Variants in AK5 observed in about 807,000 individuals in gnomAD.
AK5 encodes the protein adenylate kinase isoenzyme 5.
A neutral mutation model predicts 69.5 loss-of-function variants in AK5; 27 were observed. That is an observed-to-expected ratio of 0.39 (90% confidence interval 0.29 to 0.54). The LOEUF is 0.54. Ranked by LOEUF, AK5 falls within the 20% of genes least tolerant of loss-of-function variation. AK5 has a pLI of 0.71. For missense variants in AK5, 531 were observed against 700.4 expected (o/e 0.76, Z 2.73); for synonymous variants, 260 against 244.4 (o/e 1.06, Z -0.60).
intron 8 of AK5, among the ~76,000 whole-genome samples, chr1:77,458,105 A>G (rs1375407450): frequency 1.4e-5 from 1 of 69,462 alleles, no homozygotes; most frequent in African/African-American, 4.0e-5. Context: ...CCATTTCTTA[A>G]AAAAAAAAAA....
chr1:77,456,630 C>T (rs1653502775), intron 8 of AK5, among the ~76,000 whole-genome samples: 1 of 152,108 alleles, frequency 6.6e-6, no homozygotes, highest in South Asian at 2.1e-4. Context: ...ACCAGCTGTC[C>T]CAGCTTACCT....
At chr1:77,337,536 A>T (rs1661425274) in intron 5 of AK5, among the ~76,000 whole-genome samples, 1 of 152,116 alleles carries the variant, frequency 6.6e-6, no homozygotes, top group South Asian at 2.1e-4. Context: ...TATATCTTTT[A>T]TTATAGTGGC....
At chr1:77,531,174 GGTCTCGCTGGCTCAGGA>G (rs1476774867) in intron 12 of AK5, among the ~76,000 whole-genome samples, 1 of 152,178 alleles carries the variant, frequency 6.6e-6, no homozygotes, top group Admixed American at 6.5e-5. Context: ...GTGGGTTCGT[GGTCTCGCTGGCTCAGGA>G]GTGAAGCTGC....
intron 5 of AK5, among the ~76,000 whole-genome samples, chr1:77,328,692 A>G (rs114516059): frequency 2.0e-5 from 3 of 152,324 alleles, no homozygotes; most frequent in African/African-American, 7.2e-5. Flanking sequence ...TGTTCAGCAG[A>G]TATGATTAAT....
chr1:77,518,910 C>A (rs1657824316), intron 11 of AK5, among the ~76,000 whole-genome samples, 183 bp downstream of exon 11: 2 of 152,296 alleles, frequency 1.3e-5, no homozygotes, highest in South Asian at 2.1e-4. Flanking sequence ...TTCTACTCAA[C>A]CAGGTCGAGC....
intron 8 of AK5, among the ~76,000 whole-genome samples, chr1:77,446,548 C>G (rs535332388): frequency 7.9e-4 from 120 of 152,292 alleles, no homozygotes; most frequent in Non-Finnish European, 2.4e-4. Context: ...ATTAATTACT[C>G]TGATCCATGA....
intron 12 of AK5, among the ~76,000 whole-genome samples, chr1:77,526,870 G>C (rs1658323968): frequency 6.7e-6 from 1 of 149,070 alleles, no homozygotes; most frequent in South Asian, 2.1e-4. Flanking sequence ...AATAAATAAG[G>C]TCTCTCTCTC....
At chr1:77,500,038 A>C (rs1023625358) in intron 10 of AK5, among the ~76,000 whole-genome samples, 3 of 151,982 alleles carry the variant, frequency 2.0e-5, no homozygotes, top group Admixed American at 2.0e-4. Context: ...CTCAGGTGTG[A>C]CTAATACAGA....
chr1:77,331,663 G>A (rs138142109), intron 5 of AK5, among the ~76,000 whole-genome samples: 15 of 152,026 alleles, frequency 9.9e-5, no homozygotes, highest in African/African-American at 2.2e-4. Context: ...GAGTGAGATC[G>A]GCCTAAAATT....
At position 77,282,227 on chromosome 1, in the gene AK5, T is replaced by C; in HGVS notation, c.-87T>C. On this transcript the variant is annotated 5_prime_UTR_variant, in exon 1 of 14. Transcript: ENST00000354567. ...GGCTGCACCGCTGCTCGGCGCGGAC[T>C]CTGCCAGCCCCAGCTTCAGCCCCGG... 2 of 1,319,248 alleles carry C rather than the reference T, an allele frequency of 1.5e-6. No individual in the cohort carries two copies. Among genetic ancestry groups the C allele is most frequent in the South Asian group, 1.4e-5 (1 of 69,088 alleles). 81.7% of individuals were successfully genotyped at this position (1,319,248 alleles called of 1,614,324 possible). A position where few individuals can be genotyped will look rare whatever the true frequency, so the allele number is the denominator to read the frequency against.
intron 12 of AK5, among the ~76,000 whole-genome samples, chr1:77,529,122 C>T (rs961240146): frequency 3.3e-5 from 5 of 149,914 alleles, no homozygotes; most frequent in African/African-American, 9.8e-5. Flanking sequence ...TAACTAACCA[C>T]CCAGTGATAA....
chr1:77,520,492 C>G (rs532242226), intron 11 of AK5, among the ~76,000 whole-genome samples: 2 of 152,352 alleles, frequency 1.3e-5, no homozygotes, highest in Admixed American at 1.3e-4. Flanking sequence ...CTTGCTCACT[C>G]CCACCCACCA....
rs557607222 is a variant in AK5 at position 77,533,097 on chromosome 1, G to A, written c.1429-2750G>A. On this transcript the variant is annotated intron_variant, in intron 12 of 13. Transcript: ENST00000354567. ...TGATCGATAGCTTTTTATATAGGAA[G>A]AGAGTGCTGATTCCAGGAGAGAGAG... is the stretch of plus-strand genomic sequence containing the variant. Among the ~76,000 whole-genome samples the A allele has an allele frequency of 5.3e-5, 8 of 152,318 alleles. No homozygotes were observed. In the South Asian group the frequency reaches 1.4e-3, roughly 28 times the overall value.
chr1:77,477,330 G>T (rs990292742), intron 8 of AK5, among the ~76,000 whole-genome samples: 6 of 152,092 alleles, frequency 3.9e-5, no homozygotes, highest in African/African-American at 1.4e-4. Flanking sequence ...ATCTGGCCTG[G>T]TTGTTCTTTT....
chr1:77,291,344 C>G (rs895450935), intron 2 of AK5, among the ~76,000 whole-genome samples: 7 of 152,156 alleles, frequency 4.6e-5, no homozygotes, highest in Non-Finnish European at 1.0e-4. Context: ...CCACTCTAGC[C>G]TAAGCCTTCA....
chr1:77,285,554 G>A (rs988688837), intron 1 of AK5, among the ~76,000 whole-genome samples: 8 of 152,162 alleles, frequency 5.3e-5, no homozygotes, highest in African/African-American at 1.9e-4. Context: ...ATGTATATTG[G>A]TAAGAATAAT....
intron 12 of AK5, among the ~76,000 whole-genome samples, chr1:77,529,334 G>GTTTTTTTTTTTTTTTTTTT (rs935476152): frequency 2.2e-5 from 3 of 138,032 alleles, no homozygotes; most frequent in African/African-American, 8.1e-5. Context: ...CGTTTTATAG[G>GTTTTTTTTTTTTTTTTTTT]TTTTTTTTTT....
chr1:77,359,647 G>A (rs1399614081), intron 6 of AK5, among the ~76,000 whole-genome samples: 1 of 152,132 alleles, frequency 6.6e-6, no homozygotes, highest in Admixed American at 6.5e-5. Flanking sequence ...AGCTCAAACA[G>A]ACAAAACATA....
At chr1:77,428,665 C>T (rs189112895) in intron 8 of AK5, among the ~76,000 whole-genome samples, 10 of 152,114 alleles carry the variant, frequency 6.6e-5, no homozygotes, top group African/African-American at 1.4e-4. Context: ...AGGTTAGTTA[C>T]GTATGTATAC....
Sources: gnomAD v4.1 joint callset for allele counts (sites outside exome capture counted in the v4.1 genomes callset) on GRCh38, gnomAD v4.1.1 for gene constraint, MANE v1.5 for transcripts, NCBI Gene and HGNC (gene_info 2026-07-23, HGNC 2026-07-21) for gene names.